LGALS16: variants seen among roughly 807,000 people sequenced by gnomAD.
The protein encoded by LGALS16 is galectin 16.
In LGALS16, 15 loss-of-function variants were observed where a neutral mutation model predicts 13.2. The observed-to-expected ratio is 1.13, with a 90% confidence interval of 0.76 to 1.75. LGALS16 has a LOEUF of 1.75. LGALS16 is among the 40% of genes most tolerant of loss of function. LGALS16 has a pLI of 0.00. For missense variants in LGALS16, 198 were observed against 178.4 expected (o/e 1.11, Z -0.63); for synonymous variants, 66 against 65.4 (o/e 1.01, Z -0.05).
rs769452991 is a variant in LGALS16 at position 39,655,943 on chromosome 19, C to G, written c.-19C>G. 4 of 1,613,404 alleles carry G rather than the reference C, an allele frequency of 2.5e-6. No homozygotes were observed. The highest frequency in any genetic ancestry group is 1.3e-5 in the African/African-American group (1 of 75,018). ...GAAGACTGGACACAATTCCGAAGGT[C>G]GCCCAGAAGGAGAGGACAATGTCAT... On this transcript the variant is annotated 5_prime_UTR_variant, in exon 1 of 4. Transcript: ENST00000392051.
chr19:39,658,070 C>T, intron 2 of LGALS16, 111 bp downstream of exon 2: 3 of 1,310,830 alleles, frequency 2.3e-6, no homozygotes, highest in Non-Finnish European at 3.2e-6. Flanking sequence ...AGGATGGAGG[C>T]CCCATGCAGG....
rs1389798808 is a variant in LGALS16 at position 39,660,473 on chromosome 19, A to C, written c.382A>C (p.Arg128=). ...PSYVKMIQVW[R]DVSLDSVLVN... Reference sequence around the variant, plus strand: ...ATATGTGAAGATGATTCAAGTGTGGAGAGATGTCTCCCTGGACTCAGTGCT... The same window carrying C: ...ATATGTGAAGATGATTCAAGTGTGGCGAGATGTCTCCCTGGACTCAGTGCT... Residue 128 remains arginine, a synonymous_variant, in exon 4 of 4, where the codon AGA becomes CGA. Coordinates refer to ENST00000392051, the MANE Select transcript of LGALS16 (RefSeq NM_001190441.3). The C allele has an allele frequency of 1.3e-6, 2 of 1,542,614 alleles. No individual in the cohort carries two copies. Among genetic ancestry groups the C allele is most frequent in the East Asian group, 4.8e-5 (2 of 41,408 alleles).
chr19:39,657,515 G>A (rs1436543199), intron 1 of LGALS16, among the ~76,000 whole-genome samples: 2 of 152,124 alleles, frequency 1.3e-5, no homozygotes, highest in South Asian at 2.1e-4. Flanking sequence ...ACATGCCAGG[G>A]ATTAGGGTAA....
chr19:39,658,420 T>C (rs1446887601), intron 2 of LGALS16, 40 bp from the exon 3 acceptor site: 1 of 1,503,996 alleles, frequency 6.6e-7, no homozygotes, highest in South Asian at 1.2e-5. Context: ...GTCTGTGCAA[T>C]GAAGGAACCT....
rs750660071 is a variant in LGALS16 at position 39,655,937 on chromosome 19, G to A, written c.-25G>A. On this transcript the variant is annotated 5_prime_UTR_variant, in exon 1 of 4. Coordinates refer to ENST00000392051, the MANE Select transcript of LGALS16 (RefSeq NM_001190441.3). ...CACTCAGAAGACTGGACACAATTCC[G>A]AAGGTCGCCCAGAAGGAGAGGACAA... The A allele has an allele frequency of 8.3e-5, 134 of 1,613,384 alleles. No individual in the cohort carries two copies. The highest frequency in any genetic ancestry group is 1.1e-4 in the Non-Finnish European group (126 of 1,179,754).
chr19:39,657,284 C>T (rs981362429), intron 1 of LGALS16, among the ~76,000 whole-genome samples: 1 of 152,126 alleles, frequency 6.6e-6, no homozygotes, highest in Non-Finnish European at 1.5e-5. Context: ...GAAAAATCAT[C>T]AACCACTTGT....
chr19:39,658,469 A>T lies in LGALS16; in HGVS notation c.102A>T (p.Pro34=), dbSNP rs1332850167. The part of the protein sequence containing the change: ...GTLIDSSINE[P]QLQVDFYTEM... ...TGTGCTTTGCCCTCAGCAACGAACC[A>T]CAGCTGCAGGTGGATTTCTACACTG... Residue 34 remains proline, a synonymous_variant, in exon 3 of 4, where the codon CCA becomes CCT. Transcript: ENST00000392051. 1.3e-6 allele frequency: 2 copies of T among 1,598,826 alleles called. No homozygotes were observed. The highest frequency in any genetic ancestry group is 1.7e-6 in the Non-Finnish European group (2 of 1,175,346).
At position 39,660,394 on chromosome 19, in the gene LGALS16, G is replaced by T. The variant is rs544070747; in HGVS notation, c.304-1G>T. 6.5e-7 allele frequency: 1 copy of T among 1,540,558 alleles called. No individual in the cohort carries two copies. The highest frequency in any genetic ancestry group is 8.7e-7 in the Non-Finnish European group (1 of 1,147,878). ...TTTCTGATGCATTTTTCCTCTTAAA[G>T]GTAAAGGTAAATGGTGAATACATTT... On this transcript the variant is annotated splice_acceptor_variant, in intron 3 of 3. Transcript: ENST00000392051. LOFTEE classifies it high-confidence loss of function.
Position 39,657,916 on chromosome 19 carries a change from G to A in LGALS16, c.49G>A (p.Gly17Ser). The A allele has an allele frequency of 6.2e-7, 1 of 1,614,030 alleles. No homozygotes were observed. The change falls in exon 2 of 4, where the codon GGT becomes AGT. Residue 17 changes from glycine to serine, a missense_variant. Gly to Ser is a moderately conservative substitution (Grantham distance 56). Coordinates refer to ENST00000392051, the MANE Select transcript of LGALS16 (RefSeq NM_001190441.3). ...CAAACTGCCTGTGTCTTTGTCTGTT[G>A]GTTCCTGCGTGATAATCAAAGGGAC... is the stretch of plus-strand genomic sequence containing the variant. The part of the protein sequence containing the change: ...PYKLPVSLSV[G>S]SCVIIKGTLI...
Position 39,660,601 on chromosome 19 carries a change from T to G in LGALS16, c.*81T>G, listed in dbSNP as rs1294699191. The G allele has an allele frequency of 1.7e-6, 2 of 1,209,442 alleles. No homozygotes were observed. The highest frequency in any genetic ancestry group is 2.3e-6 in the Non-Finnish European group (2 of 857,154). 74.9% of individuals were successfully genotyped at this position (1,209,442 alleles called of 1,614,324 possible). A position where few individuals can be genotyped will look rare whatever the true frequency, so the allele number is the denominator to read the frequency against. ...AGCCTGCTAACAGAATAATCCCTCC[T>G]CAACCCCTTCCCCTACACTTGGTCA... is the stretch of plus-strand genomic sequence containing the variant. On this transcript the variant is annotated 3_prime_UTR_variant, in exon 4 of 4. Coordinates refer to ENST00000392051, the MANE Select transcript of LGALS16 (RefSeq NM_001190441.3).
intron 3 of LGALS16, among the ~76,000 whole-genome samples, chr19:39,659,313 T>C (rs1452264275): frequency 6.6e-6 from 1 of 152,152 alleles, no homozygotes; most frequent in Non-Finnish European, 1.5e-5. Flanking sequence ...ACTCCCAGCC[T>C]CAAGTTATCA....
rs772487352 is a variant in LGALS16, at chr19:39,658,473, C to A, written c.106C>A (p.Leu36Met). ...CTTTGCCCTCAGCAACGAACCACAG[C>A]TGCAGGTGGATTTCTACACTGAGAT... ...LIDSSINEPQ[L>M]QVDFYTEMNE... The change falls in exon 3 of 4, where the codon CTG becomes ATG. Residue 36 changes from leucine to methionine, a missense_variant. Leu to Met is a conservative substitution (Grantham distance 15, BLOSUM62 2). Coordinates refer to ENST00000392051, the MANE Select transcript of LGALS16 (RefSeq NM_001190441.3). 1 of 1,600,280 alleles carries A rather than the reference C, an allele frequency of 6.2e-7. No homozygotes were observed. The highest frequency in any genetic ancestry group is 1.7e-5 in the Admixed American group (1 of 58,478).
chr19:39,656,629 C>T (rs907009508), intron 1 of LGALS16, among the ~76,000 whole-genome samples: 2 of 152,016 alleles, frequency 1.3e-5, no homozygotes, highest in Non-Finnish European at 2.9e-5. Flanking sequence ...TTTCAGATCA[C>T]TTATGAGAGC....
At chr19:39,658,357 G>T (rs1019287604) in intron 2 of LGALS16, 103 bp from the exon 3 acceptor site, 2 of 1,021,172 alleles carry the variant, frequency 2.0e-6, no homozygotes, top group Non-Finnish European at 2.9e-6. Context: ...TCATCAGAGA[G>T]AATTTTACCC....
chr19:39,660,505 CA>C lies in LGALS16; in HGVS notation c.416del (p.Asn139MetfsTer11), dbSNP rs760884542. 1 of 1,546,574 alleles carries C rather than the reference CA, an allele frequency of 6.5e-7. No homozygotes were observed. The highest frequency in any genetic ancestry group is 1.9e-5 in the Admixed American group (1 of 51,826). ...DVSLDSVLVN[N>X]GRR The stretch of plus-strand genomic sequence containing the variant: ...TCTCCCTGGACTCAGTGCTTGTCAA[CA>C]ATGGACGGAGATGATCACACTCCTC... On this transcript the variant is annotated frameshift_variant, in exon 4 of 4. Coordinates refer to ENST00000392051, the MANE Select transcript of LGALS16 (RefSeq NM_001190441.3). LOFTEE classifies it high-confidence loss of function.
At position 39,655,944 on chromosome 19, in the gene LGALS16, G is replaced by A. The variant is rs772943726; in HGVS notation, c.-18G>A. 126 of 1,613,332 alleles carry A rather than the reference G, an allele frequency of 7.8e-5. No individual in the cohort carries two copies. Among genetic ancestry groups the A allele is most frequent in the Admixed American group, 5.8e-4 (35 of 59,952 alleles). The stretch of plus-strand genomic sequence containing the variant: ...AAGACTGGACACAATTCCGAAGGTC[G>A]CCCAGAAGGAGAGGACAATGTCATT... On this transcript the variant is annotated 5_prime_UTR_variant, in exon 1 of 4. Transcript: ENST00000392051.
intron 1 of LGALS16, among the ~76,000 whole-genome samples, chr19:39,657,444 G>A (rs539597750): frequency 6.6e-6 from 1 of 152,208 alleles, no homozygotes; most frequent in Non-Finnish European, 1.5e-5. Flanking sequence ...TTGAAAATAA[G>A]GCAGATCAGT....
intron 3 of LGALS16, among the ~76,000 whole-genome samples, chr19:39,659,178 C>A (rs1432723100): frequency 6.6e-6 from 1 of 151,276 alleles, no homozygotes; most frequent in Non-Finnish European, 1.5e-5. Flanking sequence ...CAGCTCACTG[C>A]AACCTCCACC....
intron 3 of LGALS16, 35 bp downstream of exon 3, chr19:39,658,705 T>G: frequency 1.5e-6 from 2 of 1,373,236 alleles, no homozygotes; most frequent in Non-Finnish European, 2.0e-6. Flanking sequence ...ACCCAGGCTC[T>G]TTGGGATCCC....
Sources: allele counts gnomAD v4.1 joint callset (sites outside exome capture counted in the v4.1 genomes callset), GRCh38; gene constraint gnomAD v4.1.1; transcripts MANE v1.5; gene names NCBI Gene and HGNC (gene_info 2026-07-23, HGNC 2026-07-21).